Variants in TLE4 observed in about 807,000 individuals in gnomAD.
TLE4 encodes transducin-like enhancer protein 4.
TLE4 carries 8 observed loss-of-function variants against 92.8 expected under a neutral mutation model. The observed-to-expected ratio is 0.09, with a 90% confidence interval of 0.05 to 0.16. The LOEUF is 0.16. Ranked by LOEUF, TLE4 falls within the 10% of genes least tolerant of loss-of-function variation. The probability of loss-of-function intolerance (pLI) is 1.00; values close to 1 mark genes in which losing one functional copy is unlikely to be tolerated. For missense variants in TLE4, 675 were observed against 997.6 expected, an observed-to-expected ratio of 0.68 and a Z score of 4.36; for synonymous variants, 371 against 374.1, an observed-to-expected ratio of 0.99 and a Z score of 0.10.
chr9:79,613,542 C>G (rs2048837529), intron 5 of TLE4, among the ~76,000 whole-genome samples: 1 of 152,130 alleles, frequency 6.6e-6, no homozygotes, highest in Non-Finnish European at 1.5e-5. Flanking sequence ...TTCATTTGCT[C>G]AGGTAAGATC....
intron 4 of TLE4, among the ~76,000 whole-genome samples, chr9:79,589,154 A>G (rs2041936853): frequency 6.6e-6 from 1 of 152,232 alleles, no homozygotes; most frequent in Admixed American, 6.5e-5. Flanking sequence ...CTCCAGAGAG[A>G]AGAAAATACT....
chr9:79,705,854 G>A, intron 9 of TLE4, 35 bp from the exon 10 acceptor site: 3 of 1,607,072 alleles, frequency 1.9e-6, no homozygotes, highest in Admixed American at 1.7e-5. Context: ...TGTTTTGTGA[G>A]GGGAGAAGAT....
intron 5 of TLE4, among the ~76,000 whole-genome samples, chr9:79,618,751 A>T (rs1202809836): frequency 6.6e-6 from 1 of 152,186 alleles, no homozygotes; most frequent in Non-Finnish European, 1.5e-5. Flanking sequence ...CACAGCAATG[A>T]TGAGGAGCAC....
chr9:79,635,032 A>G (rs1047313281), intron 6 of TLE4, among the ~76,000 whole-genome samples: 2 of 152,174 alleles, frequency 1.3e-5, no homozygotes, highest in Non-Finnish European at 1.5e-5. Context: ...TAAACTTTCC[A>G]AGTAATTGAC....
At chr9:79,711,705 A>G (rs984029238) in intron 14 of TLE4, among the ~76,000 whole-genome samples, 9 of 152,150 alleles carry the variant, frequency 5.9e-5, no homozygotes, top group African/African-American at 2.2e-4. Context: ...AGCTGCTCTG[A>G]CTCAGATGGT....
At chr9:79,600,946 A>G (rs2045489578) in intron 4 of TLE4, among the ~76,000 whole-genome samples, 1 of 152,020 alleles carries the variant, frequency 6.6e-6, no homozygotes, top group African/African-American at 2.4e-5. Flanking sequence ...AAGTTGGTTC[A>G]CTCGAGATAA....
At chr9:79,615,434 A>G (rs1399349162) in intron 5 of TLE4, among the ~76,000 whole-genome samples, 1 of 152,162 alleles carries the variant, frequency 6.6e-6, no homozygotes, top group Non-Finnish European at 1.5e-5. Context: ...AAAAAGCAAA[A>G]CAATTCCTGA....
At chr9:79,626,538 A>G (rs2052652459) in intron 5 of TLE4, among the ~76,000 whole-genome samples, 1 of 152,164 alleles carries the variant, frequency 6.6e-6, no homozygotes, top group East Asian at 1.9e-4. Flanking sequence ...TAATATTTAG[A>G]TAATATTTGG....
intron 4 of TLE4, chr9:79,601,390 G>T (rs559992624): frequency 2.2e-6 from 1 of 456,454 alleles, no homozygotes; most frequent in South Asian, 1.5e-5. Flanking sequence ...TGTTTTACTG[G>T]GTCTTGCTTT....
intron 8 of TLE4, among the ~76,000 whole-genome samples, chr9:79,674,794 G>GT (rs1554766044): frequency 1.3e-5 from 2 of 152,068 alleles, no homozygotes; most frequent in Non-Finnish European, 1.5e-5. Flanking sequence ...ACACAGTCCC[G>GT]TGCGTGTTTT....
intron 4 of TLE4, among the ~76,000 whole-genome samples, chr9:79,594,635 G>C (rs1294867187): frequency 6.6e-6 from 1 of 151,958 alleles, no homozygotes; most frequent in East Asian, 1.9e-4. Flanking sequence ...TGTTATATTT[G>C]CTGTAGAGAA....
chr9:79,719,059 C>T, intron 15 of TLE4, 88 bp downstream of exon 15: 1 of 1,513,406 alleles, frequency 6.6e-7, no homozygotes. Flanking sequence ...AGCAACACCA[C>T]ACAGTATTGA....
chr9:79,619,655 T>TAAGTG (rs547170053), intron 5 of TLE4, among the ~76,000 whole-genome samples: 91 of 152,326 alleles, frequency 6.0e-4, no homozygotes, highest in African/African-American at 2.2e-3. Flanking sequence ...GTGCTTGTGT[T>TAAGTG]AAGTGCCAGC....
At chr9:79,627,590 C>A in intron 6 of TLE4, 142 bp downstream of exon 6, 1 of 777,354 alleles carries the variant, frequency 1.3e-6, no homozygotes, top group East Asian at 2.6e-5. Flanking sequence ...CCTTCAATCT[C>A]CTGTGAAATT....
intron 8 of TLE4, among the ~76,000 whole-genome samples, chr9:79,658,176 T>A (rs956294898): frequency 6.6e-6 from 1 of 152,168 alleles, no homozygotes; most frequent in African/African-American, 2.4e-5. Context: ...GCCAAATTGA[T>A]CTCCTAAAAC....
chr9:79,656,402 G>A (rs576069204), intron 8 of TLE4, among the ~76,000 whole-genome samples: 6 of 152,238 alleles, frequency 3.9e-5, no homozygotes, highest in South Asian at 2.1e-4. Context: ...GGTAATGAAC[G>A]TGACATAAAT....
At chr9:79,722,797 T>C (rs1290583665) in intron 18 of TLE4, among the ~76,000 whole-genome samples, 162 bp from the exon 19 acceptor site, 1 of 152,226 alleles carries the variant, frequency 6.6e-6, no homozygotes, top group Non-Finnish European at 1.5e-5. Context: ...TAAGGATTAG[T>C]GACTCGATTA....
At chr9:79,707,788 G>C (rs2072096352) in intron 11 of TLE4, among the ~76,000 whole-genome samples, 1 of 152,316 alleles carries the variant, frequency 6.6e-6, no homozygotes, top group East Asian at 1.9e-4. Context: ...GGAGCCCACA[G>C]TTACCCCAGT....
chr9:79,574,743 C>T (rs1187916020), intron 2 of TLE4, 130 bp from the exon 3 acceptor site: 2 of 704,932 alleles, frequency 2.8e-6, no homozygotes, highest in East Asian at 5.9e-5. Context: ...CTTCCCTTTC[C>T]ATAATGATGG....
Sources: gnomAD v4.1 joint callset for allele counts (sites outside exome capture counted in the v4.1 genomes callset) on GRCh38, gnomAD v4.1.1 for gene constraint, MANE v1.5 for transcripts, NCBI Gene and HGNC (gene_info 2026-07-23, HGNC 2026-07-21) for gene names.